Variants in OFD1 observed in about 807,000 individuals in gnomAD.
OFD1 encodes the protein OFD1 centriole and centriolar satellite protein, also known as centriole and centriolar satellite protein OFD1.
OFD1 carries 12 observed loss-of-function variants against 81.4 expected under a neutral mutation model. The observed-to-expected ratio is 0.15, with a 90% CI of 0.09 to 0.24. The LOEUF (loss-of-function observed/expected upper bound fraction) is 0.24. OFD1 is among the 10% of genes least tolerant of loss of function. OFD1 has a pLI of 1.00. For synonymous variants in OFD1, 256 were observed against 263.7 expected (o/e 0.97, Z 0.28); for missense variants, 685 against 733.9 (o/e 0.93, Z 0.77).
At chrX:13,715,997 A>G in the OFD1 span, 19 of 1,182,070 alleles carry the variant, frequency 1.6e-5, no homozygotes, top group African/African-American at 2.3e-4. Context: ...TATAGAACAT[A>G]CCATACCTTT....
At chrX:13,753,314 A>G in intron 10 of OFD1, 54 bp from the exon 11 acceptor site, 1 of 1,208,427 alleles carries the variant, frequency 8.3e-7, no homozygotes, top group East Asian at 3.0e-5. Flanking sequence ...CACTGATAAC[A>G]GTCTTTCCAG....
upstream of OFD1, chrX:13,734,708 T>G (rs113360545): frequency 2.7e-3 from 2,618 of 981,385 alleles, 38 homozygotes; most frequent in African/African-American, 0.044. Flanking sequence ...GCTCTTCAGC[T>G]CGGGAAGGCT....
chrX:13,759,293 TG>T (rs2047835484), intron 15 of OFD1, among the ~76,000 whole-genome samples: 1 of 112,530 alleles, frequency 8.9e-6, no homozygotes, highest in Admixed American at 9.4e-5. Context: ...TGCTTTTTTC[TG>T]TTCCTCATTT....
chrX:13,758,394 A>G lies in OFD1; in HGVS notation c.1600A>G (p.Ser534Gly), dbSNP rs747343345. Reference protein sequence around the residue: ...QILGYKASVKSLTTQVADLKL... With the variant: ...QILGYKASVKGLTTQVADLKL... ...TCTAGGTTACAAAGCTTCTGTAAAG[A>G]GTTTAACTACTCAGGTTGCCGATTT... Residue 534 changes from serine to glycine, a missense_variant, in exon 15 of 23, where the codon AGT (serine) becomes GGT (glycine). Around this residue, in one of 3 missense-constraint regions of OFD1, gnomAD observed 414 missense variants for 447.2 expected, o/e 0.93. Transcript: ENST00000340096. 8.3e-7 allele frequency: 1 copy of G among 1,208,631 alleles called. No individual in the cohort carries two copies. Among genetic ancestry groups the G allele is most frequent in the African/African-American group, 1.7e-5 (1 of 57,810 alleles).
rs2048156821 is a variant in OFD1 at position 13,767,109 on chromosome X, T to C, written c.2600-18T>C. On this transcript the variant is annotated intron_variant, in intron 19 of 22. Transcript: ENST00000340096. ...TAATCTGATACTGGAAGCTACTCTT[T>C]ATTTTCTGTCCTATTAGGTGTAGAT... 1.7e-6 allele frequency: 2 copies of C among 1,202,669 alleles called. No homozygotes were observed. Among genetic ancestry groups the C allele is most frequent in the African/African-American group, 3.5e-5 (2 of 57,602 alleles).
Position 13,735,319 on chromosome X carries a change from G to A in OFD1, c.84G>A (p.Lys28=), listed in dbSNP as rs756406468. 8.3e-7 allele frequency: 1 copy of A among 1,209,578 alleles called. No homozygotes were observed. Among genetic ancestry groups the A allele is most frequent in the Non-Finnish European group, 1.1e-6 (1 of 893,232 alleles). Residue 28 remains lysine, a synonymous_variant, in exon 2 of 23, where the codon AAG becomes AAA. Transcript: ENST00000340096. ...GCAAAAAGCTATACCAGACGTTTAAGGATCGGGGTATACTGGATACACTCA... is the reference window on the plus strand; with the variant it reads ...GCAAAAAGCTATACCAGACGTTTAAAGATCGGGGTATACTGGATACACTCA... ...ELRKKLYQTF[K]DRGILDTLKT...
At chrX:13,721,872 CAG>C in the OFD1 span, 2 of 110,706 alleles carry the variant, frequency 1.8e-5, no homozygotes, top group African/African-American at 6.6e-5. Context: ...GCTTCAATGG[CAG>C]AGTTAAGCAC....
At chrX:13,716,150 G>T in the OFD1 span, 2 of 1,075,569 alleles carry the variant, frequency 1.9e-6, no homozygotes, top group South Asian at 2.2e-5. Flanking sequence ...CCAGTTCGTT[G>T]ATACAGTATT....
chrX:13,769,454 C>T, downstream of OFD1: 2 of 174,702 alleles, frequency 1.1e-5, no homozygotes, highest in Non-Finnish European at 2.1e-5. Flanking sequence ...CTTTCCTCTC[C>T]AAAGTTGGGC....
chrX:13,769,993 TGGTC>T (rs2048270095), downstream of OFD1, among the ~76,000 whole-genome samples: 1 of 112,234 alleles, frequency 8.9e-6, no homozygotes, highest in South Asian at 3.7e-4. Flanking sequence ...ATGGAACCTT[TGGTC>T]CTCATACTTA....
chrX:13,753,237 A>G lies in OFD1; in HGVS notation c.1056-131A>G, dbSNP rs2047569015. 6.1e-6 allele frequency: 7 copies of G among 1,146,621 alleles called. No individual in the cohort carries two copies. The Admixed American group carries it at 1.9e-4, about 31-fold the overall frequency. 94.5% of individuals were successfully genotyped at this position (1,146,621 alleles called of 1,213,427 possible). On this transcript the variant is annotated intron_variant, in intron 10 of 22. Coordinates refer to ENST00000340096, the MANE Select transcript of OFD1 (RefSeq NM_003611.3). ...TATATCCCTGGCTTTAGTATTGAGG[A>G]CTTTGAAGTTTACAAGTTGTCATGT...
intron 6 of OFD1, among the ~76,000 whole-genome samples, chrX:13,745,026 C>T (rs930551507): frequency 1.8e-5 from 2 of 111,839 alleles, no homozygotes; most frequent in African/African-American, 6.5e-5. Context: ...TTGTACTATC[C>T]AGCTGGTCTG....
intron 13 of OFD1, 150 bp downstream of exon 13, chrX:13,756,917 C>T (rs1288539046): frequency 3.9e-6 from 2 of 519,111 alleles, no homozygotes; most frequent in Non-Finnish European, 6.6e-6. Context: ...CTCTGCAAAC[C>T]TGCCTATAGG....
chrX:13,769,385 A>C, downstream of OFD1: 1 of 311,499 alleles, frequency 3.2e-6, no homozygotes, highest in South Asian at 6.5e-5. Context: ...TTTATAAATG[A>C]GTATAACCTA....
At chrX:13,763,624 G>A in intron 18 of OFD1, 121 bp from the exon 19 acceptor site, 2 of 543,543 alleles carry the variant, frequency 3.7e-6, no homozygotes, top group Middle Eastern at 5.1e-4. Flanking sequence ...GTTAGGAAAG[G>A]GCGCACCCAG....
chrX:13,731,291 C>T (rs1013012019), upstream of OFD1, among the ~76,000 whole-genome samples: 11 of 111,779 alleles, frequency 9.8e-5, no homozygotes, highest in Non-Finnish European at 1.9e-4. Flanking sequence ...ACATTCAGAG[C>T]GACTAGAACA....
the OFD1 span, among the ~76,000 whole-genome samples, chrX:13,728,339 C>G: frequency 8.0e-4 from 89 of 111,744 alleles, no homozygotes; most frequent in South Asian, 0.031. Flanking sequence ...AACATTGATG[C>G]GAAAATCCTC....
At chrX:13,739,310 AAAAAC>A in intron 5 of OFD1, 1 of 323,097 alleles carries the variant, frequency 3.1e-6, no homozygotes, top group Non-Finnish European at 5.3e-6. Context: ...AAAAAAAAAA[AAAAAC>A]TAATAACTTT....
intron 6 of OFD1, among the ~76,000 whole-genome samples, chrX:13,745,111 A>G (rs1488570542): frequency 1.8e-5 from 2 of 112,142 alleles, no homozygotes; most frequent in Non-Finnish European, 3.8e-5. Context: ...TGCTTAATGG[A>G]TTTCTTGGCC....
Sources: gnomAD v4.1 joint callset for allele counts (sites outside exome capture counted in the v4.1 genomes callset) on GRCh38, gnomAD v4.1.1 for gene constraint, gnomAD v4.1.1 regional missense constraint, MANE v1.5 for transcripts, NCBI Gene and HGNC (gene_info 2026-07-23, HGNC 2026-07-21) for gene names.